ZFHX3: variants seen among roughly 807,000 people sequenced by gnomAD.
ZFHX3 encodes zinc finger homeobox protein 3.
In ZFHX3, 42 loss-of-function variants were observed where a neutral mutation model predicts 279.1. The observed-to-expected ratio is 0.15, with a 90% CI of 0.12 to 0.19. The LOEUF (loss-of-function observed/expected upper bound fraction) is 0.19, where lower values mean the gene tolerates loss of function less well. Ranked by LOEUF, ZFHX3 falls within the 10% of genes least tolerant of loss-of-function variation. The pLI is 1.00. For missense variants in ZFHX3, 4,981 were observed against 4,754.0 expected (o/e 1.05, Z -1.40); for synonymous variants, 2,293 against 1,957.8 (o/e 1.17, Z -4.52).
intron 1 of ZFHX3, among the ~76,000 whole-genome samples, chr16:73,845,170 T>C (rs115814042): frequency 0.016 from 2,363 of 152,282 alleles, 60 homozygotes; most frequent in African/African-American, 0.053. Context: ...TATTGAAACA[T>C]GCACGCGACC....
Position 72,958,934 on chromosome 16 carries a change from G to A in ZFHX3, c.1212C>T (p.Gly404=), listed in dbSNP as rs199709343. The change falls in exon 2 of 10, where the codon GGC becomes GGT. Residue 404 remains glycine (G), a synonymous_variant. Transcript: ENST00000268489. ...LLTPSTLLNL[G]GLTSSVLKTP... ...TCTTCAGTACCGAGCTGGTGAGCCC[G>A]CCAAGGTTCAACAGGGTGCTGGGGG... 2.8e-5 allele frequency: 44 copies of A among 1,598,382 alleles called. No individual in the cohort carries two copies. Among genetic ancestry groups the A allele is most frequent in the Middle Eastern group, 1.7e-4 (1 of 5,958 alleles).
intron 5 of ZFHX3, among the ~76,000 whole-genome samples, chr16:73,155,025 T>C (rs1476624686): frequency 2.6e-5 from 4 of 151,734 alleles, no homozygotes; most frequent in Admixed American, 2.6e-4. Context: ...AATACAAAAA[T>C]TAGCTTGGCA....
At chr16:73,623,075 C>A (rs978822218) in intron 2 of ZFHX3, among the ~76,000 whole-genome samples, 2 of 151,148 alleles carry the variant, frequency 1.3e-5, no homozygotes, top group Non-Finnish European at 2.9e-5. Context: ...CTGGCTCTTT[C>A]GCCCAGGCCG....
At chr16:73,730,881 T>C (rs1262761348) in intron 1 of ZFHX3, among the ~76,000 whole-genome samples, 2 of 152,198 alleles carry the variant, frequency 1.3e-5, no homozygotes, top group Non-Finnish European at 1.5e-5. Context: ...CAGGAGACCC[T>C]GGGCTCTCTC....
At chr16:73,030,862 A>T (rs1715442435) in intron 1 of ZFHX3, among the ~76,000 whole-genome samples, 1 of 152,148 alleles carries the variant, frequency 6.6e-6, no homozygotes, top group African/African-American at 2.4e-5. Context: ...GGAGGGGGTG[A>T]ATCCTACTGA....
At chr16:73,035,758 T>C (rs374780524) in intron 1 of ZFHX3, among the ~76,000 whole-genome samples, 9 of 152,106 alleles carry the variant, frequency 5.9e-5, no homozygotes, top group Admixed American at 1.3e-4. Context: ...TAGCCGGGCA[T>C]GGTGGAAAAC....
At chr16:73,311,240 C>CAA (rs201871340) in intron 4 of ZFHX3, among the ~76,000 whole-genome samples, 3 of 147,588 alleles carry the variant, frequency 2.0e-5, no homozygotes, top group Admixed American at 6.8e-5. Context: ...TCTCCCTCCA[C>CAA]AAAAAAAAAC....
At chr16:72,921,190 C>G (rs893499311) in intron 3 of ZFHX3, among the ~76,000 whole-genome samples, 2 of 151,918 alleles carry the variant, frequency 1.3e-5, no homozygotes, top group Admixed American at 6.6e-5. Flanking sequence ...AATTACAGAC[C>G]CTGCTCTCCC....
chr16:73,124,617 A>G (rs913958092), intron 7 of ZFHX3, among the ~76,000 whole-genome samples: 18 of 152,166 alleles, frequency 1.2e-4, no homozygotes, highest in African/African-American at 4.3e-4. Flanking sequence ...TTGTAATGAG[A>G]ACTGTGTCGG....
chr16:73,539,900 A>G (rs1462595881), intron 2 of ZFHX3, among the ~76,000 whole-genome samples: 2 of 152,234 alleles, frequency 1.3e-5, no homozygotes, highest in African/African-American at 4.8e-5. Context: ...TTCGACGCCC[A>G]GTATATACAG....
At chr16:73,502,618 C>T (rs904297338) in intron 2 of ZFHX3, among the ~76,000 whole-genome samples, 2 of 152,188 alleles carry the variant, frequency 1.3e-5, no homozygotes, top group Non-Finnish European at 2.9e-5. Flanking sequence ...GAGAACCACA[C>T]TAAAGTAAGC....
chr16:73,351,318 T>C lies in ZFHX3; in HGVS notation c.-1290-32982A>G, dbSNP rs139095376. On this transcript the variant is annotated intron_variant, in intron 3 of 17. Coordinates refer to the ZFHX3 transcript ENST00000641206. ...GCCTGCTGCCTAATATACTCCTGAA[T>C]TGGCTGAGTGGCTTTCCGAACAAAC... Among the ~76,000 whole-genome samples the C allele has an allele frequency of 8.0e-3, 1,225 of 152,312 alleles. 9 individuals carry two copies. The highest frequency in any genetic ancestry group is 0.013 in the Non-Finnish European group (902 of 68,030).
chr16:73,453,825 C>T (rs758907702), intron 3 of ZFHX3, among the ~76,000 whole-genome samples: 19 of 152,180 alleles, frequency 1.2e-4, no homozygotes, highest in African/African-American at 2.2e-4. Flanking sequence ...CAGGGAAACA[C>T]GTCTTTGTAA....
chr16:73,791,134 T>C lies in ZFHX3; in HGVS notation c.-1608+100517A>G, dbSNP rs1959810264. On this transcript the variant is annotated intron_variant, in intron 1 of 17. Coordinates refer to the ZFHX3 transcript ENST00000641206. ...TTTGCACCACCACACCTGGCTAATT[T>C]TTCTATTTTTTGTAGAGACAGGATC... Among the ~76,000 whole-genome samples the C allele has an allele frequency of 3.3e-5, 5 of 152,132 alleles. No homozygotes were observed. The South Asian group carries it at 1.0e-3, about 32-fold the overall frequency.
intron 3 of ZFHX3, among the ~76,000 whole-genome samples, chr16:73,384,011 A>C (rs2016858145): frequency 6.6e-6 from 1 of 152,244 alleles, no homozygotes; most frequent in African/African-American, 2.4e-5. Context: ...CTTCAAAGAA[A>C]GAAATGAATG....
rs188271559 is a variant in ZFHX3, at chr16:73,601,082, A to G, written c.-1547+79098T>C. Among the ~76,000 whole-genome samples, 63 of 152,196 alleles carry G rather than the reference A, an allele frequency of 4.1e-4. No homozygotes were observed. The East Asian group carries it at 0.011, about 26-fold the overall frequency. ...CCAGTCTGGCTTTGAAGTGTGAGAG[A>G]ACCCAATTCATCTCCTGATAATGAA... On this transcript the variant is annotated intron_variant, in intron 2 of 17. Coordinates refer to the ZFHX3 transcript ENST00000641206.
chr16:73,096,569 A>AT (rs34575437), intron 7 of ZFHX3, among the ~76,000 whole-genome samples: 29,809 of 140,214 alleles, frequency 0.21, 3,213 homozygotes, highest in South Asian at 0.33. Flanking sequence ...AGCCCAGCTA[A>AT]TTTTTTTTTT....
intron 3 of ZFHX3, chr16:73,400,949 C>A (rs2017238178): frequency 6.6e-6 from 1 of 152,220 alleles, no homozygotes; most frequent in South Asian, 2.1e-4. Flanking sequence ...GAAGCCATCC[C>A]CGTCACCTCC....
chr16:72,902,753 C>A (rs141427143), intron 3 of ZFHX3, among the ~76,000 whole-genome samples: 381 of 152,102 alleles, frequency 2.5e-3, no homozygotes, highest in Middle Eastern at 0.014. Context: ...TTTTGAGACA[C>A]CGTTTTCAGA....
Sources: allele counts gnomAD v4.1 joint callset (sites outside exome capture counted in the v4.1 genomes callset), GRCh38; gene constraint gnomAD v4.1.1; transcripts MANE v1.5; gene names NCBI Gene and HGNC (gene_info 2026-07-23, HGNC 2026-07-21).